The following CNTNAP2 variants were observed in gnomAD, a reference collection of about 807,000 sequenced individuals.
The protein encoded by CNTNAP2 is contactin-associated protein-like 2.
Under a neutral mutation model 155.2 loss-of-function variants are expected in CNTNAP2, and 98 were observed. The ratio of observed to expected loss-of-function variants is 0.63; its 90% CI spans 0.54 to 0.75. The LOEUF is 0.75. CNTNAP2 is among the 30% of genes least tolerant of loss of function. The pLI is 0.00. For synonymous variants in CNTNAP2, 651 were observed against 631.2 expected, an observed-to-expected ratio of 1.03 and a Z score of -0.47; for missense variants, 1,727 against 1,688.1, an observed-to-expected ratio of 1.02 and a Z score of -0.40.
At chr7:148,126,233 G>A (rs1222989116) in intron 16 of CNTNAP2, among the ~76,000 whole-genome samples, 1 of 152,148 alleles carries the variant, frequency 6.6e-6, no homozygotes, top group African/African-American at 2.4e-5. Flanking sequence ...AAAAAGGTGT[G>A]GCTCCGTCAT....
At chr7:147,647,150 G>A (rs1392206256) in intron 13 of CNTNAP2, among the ~76,000 whole-genome samples, 1 of 151,458 alleles carries the variant, frequency 6.6e-6, no homozygotes, top group Non-Finnish European at 1.5e-5. Flanking sequence ...GCCACGCCCA[G>A]CTAATTTTTT....
At chr7:147,133,419 C>T (rs73154371) in intron 8 of CNTNAP2, among the ~76,000 whole-genome samples, 2,410 of 152,082 alleles carry the variant, frequency 0.016, 26 homozygotes, top group South Asian at 0.041. Flanking sequence ...ACAGAGAGCT[C>T]AATTGGGTGA....
At chr7:146,699,490 G>A (rs1197729206) in intron 1 of CNTNAP2, among the ~76,000 whole-genome samples, 1 of 152,128 alleles carries the variant, frequency 6.6e-6, no homozygotes, top group African/African-American at 2.4e-5. Flanking sequence ...TAGTGAGCCT[G>A]GGCCCCTGGG....
chr7:147,125,615 A>G (rs1368708750), intron 6 of CNTNAP2, among the ~76,000 whole-genome samples: 1 of 152,226 alleles, frequency 6.6e-6, no homozygotes, highest in African/African-American at 2.4e-5. Flanking sequence ...CTAGGGAAGT[A>G]GAGGAATGAC....
intron 5 of CNTNAP2, among the ~76,000 whole-genome samples, chr7:147,116,435 A>G (rs1800990760): frequency 1.3e-5 from 2 of 152,204 alleles, no homozygotes; most frequent in South Asian, 4.1e-4. Flanking sequence ...AGAAGCCTGA[A>G]TGTCCAAGTT....
At chr7:148,091,046 T>C (rs1197936859) in intron 15 of CNTNAP2, among the ~76,000 whole-genome samples, 1 of 152,052 alleles carries the variant, frequency 6.6e-6, no homozygotes, top group African/African-American at 2.4e-5. Context: ...AAGAGTAAAA[T>C]AGTGGTTACC....
chr7:147,443,404 G>T (rs1005976835), intron 10 of CNTNAP2, among the ~76,000 whole-genome samples: 1 of 152,174 alleles, frequency 6.6e-6, no homozygotes, highest in Admixed American at 6.5e-5. Flanking sequence ...GGTGGTGGAG[G>T]GGTGTCGTCA....
At chr7:146,173,198 G>T (rs1236657464) in intron 1 of CNTNAP2, among the ~76,000 whole-genome samples, 3 of 151,954 alleles carry the variant, frequency 2.0e-5, no homozygotes. Context: ...TTTTAATTTT[G>T]TTCAGTTACC....
chr7:147,498,918 T>C (rs557194035), intron 11 of CNTNAP2, among the ~76,000 whole-genome samples: 4 of 152,032 alleles, frequency 2.6e-5, no homozygotes, highest in East Asian at 3.9e-4. Flanking sequence ...ACATTGACAC[T>C]TGATTAACAT....
intron 10 of CNTNAP2, among the ~76,000 whole-genome samples, chr7:147,470,058 G>T (rs1798189224): frequency 6.6e-6 from 1 of 152,160 alleles, no homozygotes; most frequent in Non-Finnish European, 1.5e-5. Flanking sequence ...AGGTGGGGTG[G>T]AGTGCATGTA....
intron 8 of CNTNAP2, among the ~76,000 whole-genome samples, chr7:147,219,978 A>C (rs1277166881): frequency 7.3e-6 from 1 of 136,816 alleles, no homozygotes; most frequent in African/African-American, 2.8e-5. Context: ...TTTAGTGGAG[A>C]CGGGTTTTCA....
chr7:148,017,027 T>C (rs1802190741), intron 15 of CNTNAP2, among the ~76,000 whole-genome samples: 1 of 152,228 alleles, frequency 6.6e-6, no homozygotes, highest in African/African-American at 2.4e-5. Flanking sequence ...GATTCATATA[T>C]TATGCACTGT....
At chr7:146,395,492 G>T (rs1795607101) in intron 1 of CNTNAP2, among the ~76,000 whole-genome samples, 1 of 152,048 alleles carries the variant, frequency 6.6e-6, no homozygotes, top group Non-Finnish European at 1.5e-5. Flanking sequence ...GGGGGTAGGT[G>T]AGCCCTCCTC....
Position 148,377,662 on chromosome 7 carries a change from TTTGACTA to T in CNTNAP2, c.3476-5985_3476-5979del, listed in dbSNP as rs1798986805. Among the ~76,000 whole-genome samples, 2 of 67,110 alleles carry T rather than the reference TTTGACTA, an allele frequency of 3.0e-5. 1 individual carries two copies. Among genetic ancestry groups the T allele is most frequent in the South Asian group, 8.3e-4 (2 of 2,400 alleles). 44.0% of individuals were successfully genotyped at this position (67,110 alleles called of 152,430 possible). On this transcript the variant is annotated intron_variant, in intron 21 of 23. Coordinates refer to ENST00000361727, the MANE Select transcript of CNTNAP2 (RefSeq NM_014141.6). ...TACACTATGAAGCTGAAAAACAAACTTTGACTATAGCTAACTATGATTGTTCTAATTT... is the reference window on the plus strand; with the variant it reads ...TACACTATGAAGCTGAAAAACAAACTTAGCTAACTATGATTGTTCTAATTT...
intron 9 of CNTNAP2, among the ~76,000 whole-genome samples, chr7:147,378,533 C>A (rs1796480119): frequency 6.6e-6 from 1 of 151,968 alleles, no homozygotes; most frequent in South Asian, 2.1e-4. Flanking sequence ...CGTTCTCACT[C>A]ATTTGTGGGA....
intron 13 of CNTNAP2, among the ~76,000 whole-genome samples, chr7:147,713,385 A>G (rs986928249): frequency 2.6e-5 from 4 of 152,096 alleles, no homozygotes; most frequent in African/African-American, 9.7e-5. Context: ...ATAGTTTTCC[A>G]TCTATGAAAC....
rs141330086 is a variant in CNTNAP2 at position 147,429,171 on chromosome 7, T to C, written c.1670+33391T>C. On this transcript the variant is annotated intron_variant, in intron 10 of 23. Transcript: ENST00000361727. Reference sequence around the variant, plus strand: ...GTTTGTGTATATATATATATATATATACACCACATTTTGTTTATCCACTTG... The same window carrying C: ...GTTTGTGTATATATATATATATATACACACCACATTTTGTTTATCCACTTG... Among the ~76,000 whole-genome samples, 794 of 151,850 alleles carry C rather than the reference T, an allele frequency of 5.2e-3. 5 individuals carry two copies. Among genetic ancestry groups the C allele is most frequent in the African/African-American group, 0.018 (731 of 41,420 alleles).
At chr7:148,119,236 C>T (rs1320203670) in intron 16 of CNTNAP2, among the ~76,000 whole-genome samples, 1 of 152,026 alleles carries the variant, frequency 6.6e-6, no homozygotes, top group Non-Finnish European at 1.5e-5. Context: ...AAAAAGTCTC[C>T]CTTCCGGCCA....
At chr7:147,491,333 G>A (rs2116648672) in intron 11 of CNTNAP2, among the ~76,000 whole-genome samples, 1 of 151,898 alleles carries the variant, frequency 6.6e-6, no homozygotes, top group Middle Eastern at 3.4e-3. Context: ...CCCACCACAG[G>A]ACATTTGCAC....
Sources: allele counts gnomAD v4.1 joint callset (sites outside exome capture counted in the v4.1 genomes callset), GRCh38; gene constraint gnomAD v4.1.1; transcripts MANE v1.5; gene names NCBI Gene and HGNC (gene_info 2026-07-23, HGNC 2026-07-21).